The following CRYGA variants were observed in gnomAD, a reference collection of about 807,000 sequenced individuals.
The protein encoded by CRYGA is crystallin gamma A, also known as gamma-crystallin A.
CRYGA carries 11 observed loss-of-function variants against 13.8 expected under a neutral mutation model. The ratio of observed to expected loss-of-function variants is 0.80; its 90% CI spans 0.50 to 1.32. The LOEUF (loss-of-function observed/expected upper bound fraction) is 1.32. Among genes scored for constraint, CRYGA ranks in the 40% most tolerant of loss-of-function variants. The pLI, the probability that CRYGA is intolerant of heterozygous loss-of-function variation, is 0.00. For missense variants in CRYGA, 271 were observed against 234.1 expected (o/e 1.16, Z -1.03); for synonymous variants, 97 against 89.3 (o/e 1.09, Z -0.48).
At position 208,163,314 on chromosome 2, in the gene CRYGA, G is replaced by A. The variant is rs750368223; in HGVS notation, c.142C>T (p.Arg48Cys). The A allele has an allele frequency of 5.1e-5, 83 of 1,613,924 alleles. 1 individual carries two copies. In the Middle Eastern group the frequency reaches 6.6e-4, roughly 13 times the overall value. Residue 48 changes from arginine (R) to cysteine (C), a missense_variant, in exon 2 of 3, where the codon CGT becomes TGT. By Grantham distance (180) the Arg-to-Cys change is radical (BLOSUM62 -3). Coordinates refer to ENST00000304502, the MANE Select transcript of CRYGA (RefSeq NM_014617.4). Reference protein sequence around the residue: ...VDSGCWMLYERPNYQGHQYFL... With the variant: ...VDSGCWMLYECPNYQGHQYFL... ...TACTGGTGGCCCTGGTAATTGGGAC[G>A]CTCATAGAGCATCCAGCAGCCGCTG...
chr2:208,163,559 T>C lies in CRYGA; in HGVS notation c.-3A>G, dbSNP rs1167542623. On this transcript the variant is annotated 5_prime_UTR_variant, in exon 1 of 3. Coordinates refer to ENST00000304502, the MANE Select transcript of CRYGA (RefSeq NM_014617.4). ...CTCCACAGGCTCACCTTCCCCATGG[T>C]TGTTGACAGAGGGTGATTAGCATCT... is the stretch of plus-strand genomic sequence containing the variant. 1 of 1,610,010 alleles carries C rather than the reference T, an allele frequency of 6.2e-7. No homozygotes were observed. The highest frequency in any genetic ancestry group is 1.7e-5 in the Admixed American group (1 of 59,260).
At position 208,163,360 on chromosome 2, in the gene CRYGA, G is replaced by C. The variant is rs1695800152; in HGVS notation, c.96C>G (p.Arg32=). The part of the protein sequence containing the change: ...DCPNLRVYFS[R]CNSIRVDSGC... ...CGCTGTCTACTCGGATGGAGTTGCA[G>C]CGGCTGAAGTAGACCCGCAGGTTGG... is the stretch of plus-strand genomic sequence containing the variant. Residue 32 remains arginine, a synonymous_variant, in exon 2 of 3, where the codon CGC becomes CGG. Transcript: ENST00000304502. 1 of 1,614,028 alleles carries C rather than the reference G, an allele frequency of 6.2e-7. No homozygotes were observed. Among genetic ancestry groups the C allele is most frequent in the Non-Finnish European group, 8.5e-7 (1 of 1,180,006 alleles).
intron 2 of CRYGA, among the ~76,000 whole-genome samples, chr2:208,161,622 T>C (rs1435665699): frequency 6.6e-6 from 1 of 152,212 alleles, no homozygotes; most frequent in Non-Finnish European, 1.5e-5. Context: ...GAAACAAACA[T>C]TAAAATACAG....
intron 2 of CRYGA, among the ~76,000 whole-genome samples, chr2:208,161,354 T>C (rs1049649046): frequency 6.6e-6 from 1 of 152,114 alleles, no homozygotes; most frequent in African/African-American, 2.4e-5. Context: ...TTTTTAAAAA[T>C]TTTTTTGTAG....
At chr2:208,161,145 C>G (rs1053818966) in intron 2 of CRYGA, 69 bp from the exon 3 acceptor site, 2 of 1,444,494 alleles carry the variant, frequency 1.4e-6, no homozygotes, top group Non-Finnish European at 1.9e-6. Context: ...GAAAGTGACA[C>G]AATCAGTCTG....
At chr2:208,161,314 A>C (rs936171025) in intron 2 of CRYGA, among the ~76,000 whole-genome samples, 1 of 146,886 alleles carries the variant, frequency 6.8e-6, no homozygotes, top group Non-Finnish European at 1.5e-5. Flanking sequence ...CTGGGATCAC[A>C]GGTGTGCACT....
intron 2 of CRYGA, 113 bp downstream of exon 2, chr2:208,163,091 A>C (rs1695792924): frequency 2.3e-6 from 2 of 862,264 alleles, no homozygotes; most frequent in Admixed American, 4.5e-5. Flanking sequence ...AGGCCTTGCT[A>C]TTCTTACTGT....
rs200460837 is a variant in CRYGA, at chr2:208,163,488, G to A, written c.10-42C>T. The A allele has an allele frequency of 5.0e-5, 80 of 1,612,510 alleles. 1 individual carries two copies. The East Asian group carries it at 1.2e-3, about 24-fold the overall frequency. ...GTGACAGTAGACAGTCAGCTGGAAG[G>A]AACATCCCCACACACCACAGACCCC... is the stretch of plus-strand genomic sequence containing the variant. On this transcript the variant is annotated intron_variant, in intron 1 of 2. Coordinates refer to ENST00000304502, the MANE Select transcript of CRYGA (RefSeq NM_014617.4).
intron 2 of CRYGA, among the ~76,000 whole-genome samples, chr2:208,162,298 A>C (rs1695775420): frequency 6.6e-6 from 1 of 152,188 alleles, no homozygotes; most frequent in African/African-American, 2.4e-5. Flanking sequence ...AGAAAGTGTA[A>C]ATACATGCTG....
rs769312886 is a variant in CRYGA, at chr2:208,160,818, TGACCC to T, written c.506_510del (p.Arg169HisfsTer18). ...GCAGGCACAGCTTAGTACAAATCGG[TGACCC>T]GTCTCAAAGAGCCGACTTTGGCATC... On this transcript the variant is annotated frameshift_variant, in exon 3 of 3. Transcript: ENST00000304502. LOFTEE classifies it high-confidence loss of function. 6.3e-5 allele frequency: 102 copies of T among 1,607,220 alleles called. No individual in the cohort carries two copies. The highest frequency in any genetic ancestry group is 8.2e-5 in the Non-Finnish European group (96 of 1,174,168).
At chr2:208,162,312 G>A (rs1053750393) in intron 2 of CRYGA, among the ~76,000 whole-genome samples, 6 of 152,132 alleles carry the variant, frequency 3.9e-5, no homozygotes, top group African/African-American at 1.4e-4. Flanking sequence ...CATGCTGCAC[G>A]TGATTAAAAA....
In CRYGA at chr2:208,160,859, C is replaced by G. The variant is rs140372256; in HGVS notation, c.470G>C (p.Trp157Ser). 24 of 1,611,904 alleles carry G rather than the reference C, an allele frequency of 1.5e-5. No homozygotes were observed. The highest frequency in any genetic ancestry group is 1.6e-4 in the Middle Eastern group (1 of 6,082). The change falls in exon 3 of 3, where the codon TGG becomes TCG. Residue 157 changes from tryptophan (W) to serine (S), a missense_variant. Trp to Ser is a radical substitution (Grantham distance 177, BLOSUM62 -3). Coordinates refer to ENST00000304502, the MANE Select transcript of CRYGA (RefSeq NM_014617.4). ...RPGDYRRYHD[W>S]GGADAKVGSL... Reference sequence around the variant, plus strand: ...GCCGACTTTGGCATCTGCACCCCCCCAGTCGTGGTACCTTCTGTAGTCCCC... The same window carrying G: ...GCCGACTTTGGCATCTGCACCCCCCGAGTCGTGGTACCTTCTGTAGTCCCC...
Position 208,160,941 on chromosome 2 carries a change from A to G in CRYGA, c.388T>C (p.Cys130Arg). ...EIYSLHVLEG[C>R]WVLYEMPNYR... ...TTGGGCATTTCATAGAGGACCCAGC[A>G]GCCCTCCAGTACGTGGAGGGAATAG... Residue 130 changes from cysteine (C) to arginine (R), a missense_variant, in exon 3 of 3, where the codon TGC (cysteine) becomes CGC (arginine). By Grantham distance (180) the Cys-to-Arg change is radical. Transcript: ENST00000304502. 1 of 1,613,686 alleles carries G rather than the reference A, an allele frequency of 6.2e-7. No homozygotes were observed. The highest frequency in any genetic ancestry group is 8.5e-7 in the Non-Finnish European group (1 of 1,179,696).
At position 208,163,300 on chromosome 2, in the gene CRYGA, C is replaced by T. The variant is rs1695798703; in HGVS notation, c.156G>A (p.Gln52=). ...CWMLYERPNY[Q]GHQYFLRRGK... ...CTCGGCGCAGGAAGTACTGGTGGCCCTGGTAATTGGGACGCTCATAGAGCA... is the reference window on the plus strand; with the variant it reads ...CTCGGCGCAGGAAGTACTGGTGGCCTTGGTAATTGGGACGCTCATAGAGCA... The change falls in exon 2 of 3, where the codon CAG becomes CAA. Residue 52 remains glutamine, a synonymous_variant. Coordinates refer to ENST00000304502, the MANE Select transcript of CRYGA (RefSeq NM_014617.4). 5 of 1,614,010 alleles carry T rather than the reference C, an allele frequency of 3.1e-6. No individual in the cohort carries two copies. Among genetic ancestry groups the T allele is most frequent in the Non-Finnish European group, 3.4e-6 (4 of 1,180,014 alleles).
intron 2 of CRYGA, among the ~76,000 whole-genome samples, chr2:208,162,125 C>T (rs1695771029): frequency 6.6e-6 from 1 of 151,946 alleles, no homozygotes; most frequent in African/African-American, 2.4e-5. Context: ...TTGGTAGAGA[C>T]AGGGTTTCAC....
Position 208,160,864 on chromosome 2 carries a change from G to T in CRYGA, c.465C>A (p.His155Gln), listed in dbSNP as rs754121301. 2 of 1,611,818 alleles carry T rather than the reference G, an allele frequency of 1.2e-6. No homozygotes were observed. Among genetic ancestry groups the T allele is most frequent in the Middle Eastern group, 1.6e-4 (1 of 6,080 alleles). ...CTTTGGCATCTGCACCCCCCCAGTC[G>T]TGGTACCTTCTGTAGTCCCCAGGCC... The part of the protein sequence containing the change: ...LLRPGDYRRY[H>Q]DWGGADAKVG... Residue 155 changes from histidine (H) to glutamine (Q), a missense_variant, in exon 3 of 3, where the codon CAC becomes CAA. His to Gln is a conservative substitution (Grantham distance 24). Coordinates refer to ENST00000304502, the MANE Select transcript of CRYGA (RefSeq NM_014617.4).
At chr2:208,161,573 C>T (rs530433596) in intron 2 of CRYGA, among the ~76,000 whole-genome samples, 18 of 152,250 alleles carry the variant, frequency 1.2e-4, no homozygotes, top group Non-Finnish European at 2.2e-4. Context: ...AATATTAAAA[C>T]GAATCTGACC....
chr2:208,160,889 C>T lies in CRYGA; in HGVS notation c.440G>A (p.Arg147Lys). Residue 147 changes from arginine to lysine, a missense_variant, in exon 3 of 3, where the codon AGG becomes AAG. By Grantham distance (26) the Arg-to-Lys change is conservative. Transcript: ENST00000304502. ...PNYRGRQYLL[R>K]PGDYRRYHDW... ...GTGGTACCTTCTGTAGTCCCCAGGC[C>T]TCAGCAGATACTGCCGCCCCCGGTA... is the stretch of plus-strand genomic sequence containing the variant. 6.2e-7 allele frequency: 1 copy of T among 1,613,082 alleles called. No homozygotes were observed. Among genetic ancestry groups the T allele is most frequent in the Non-Finnish European group, 8.5e-7 (1 of 1,179,162 alleles).
intron 2 of CRYGA, among the ~76,000 whole-genome samples, chr2:208,162,059 C>G (rs1208257013): frequency 6.6e-6 from 1 of 152,110 alleles, no homozygotes. Flanking sequence ...GTCTTAGCCT[C>G]CTGCTTAGCT....
Sources: allele counts gnomAD v4.1 joint callset (sites outside exome capture counted in the v4.1 genomes callset), GRCh38; gene constraint gnomAD v4.1.1; transcripts MANE v1.5; gene names NCBI Gene and HGNC (gene_info 2026-07-23, HGNC 2026-07-21).